Variants in KDM3B observed in about 807,000 individuals in gnomAD.
KDM3B encodes the protein lysine-specific demethylase 3B.
In KDM3B, 10 loss-of-function variants were observed where a neutral mutation model predicts 170.0. The observed-to-expected ratio is 0.06, with a 90% confidence interval of 0.04 to 0.10. KDM3B has a LOEUF of 0.10. Ranked by LOEUF, KDM3B falls within the 10% of genes least tolerant of loss-of-function variation. The pLI, the probability that KDM3B is intolerant of heterozygous loss-of-function variation, is 1.00. For synonymous variants in KDM3B, 831 were observed against 834.8 expected (o/e 1.00, Z 0.08); for missense variants, 1,394 against 2,195.2 (o/e 0.64, Z 7.29).
rs997145509 is a variant in KDM3B at position 138,358,645 on chromosome 5, A to G, written c.192+5658A>G. Among the ~76,000 whole-genome samples the G allele has an allele frequency of 3.3e-5, 5 of 151,234 alleles. No homozygotes were observed. The East Asian group carries it at 7.7e-4, about 23-fold the overall frequency. On this transcript the variant is annotated intron_variant, in intron 1 of 23. Transcript: ENST00000314358. ...TGGTTTTATCTGTCATCCAGGCTGG[A>G]GTACAGTGGTGCAGTCATAGCTCAC...
intron 1 of KDM3B, among the ~76,000 whole-genome samples, chr5:138,365,456 C>G (rs1761720766): frequency 6.6e-6 from 1 of 151,822 alleles, no homozygotes; most frequent in Non-Finnish European, 1.5e-5. Context: ...TGGGGTTTCA[C>G]CCTGTTGGCC....
chr5:138,383,368 A>C (rs1248137659), intron 6 of KDM3B, among the ~76,000 whole-genome samples: 1 of 151,866 alleles, frequency 6.6e-6, no homozygotes, highest in Non-Finnish European at 1.5e-5. Flanking sequence ...CAAACTCCTG[A>C]CCTCGTGATC....
Position 138,387,992 on chromosome 5 carries a change from G to A in KDM3B, c.1380+1371G>A, listed in dbSNP as rs944413157. ...GCTACTCGGGAGGCTGAGGCAGGAG[G>A]ATGGCGTGAACCTGGGAGGTGGAGC... On this transcript the variant is annotated intron_variant, in intron 7 of 23. Coordinates refer to ENST00000314358, the MANE Select transcript of KDM3B (RefSeq NM_016604.4). 6.4e-4 allele frequency among the ~76,000 whole-genome samples: 97 copies of A among 151,910 alleles called. 2 individuals are homozygous for A. The highest frequency in any genetic ancestry group is 1.3e-4 in the Admixed American group (2 of 15,254).
chr5:138,424,114 C>T lies in KDM3B; in HGVS notation c.4012C>T (p.His1338Tyr). Residue 1338 changes from histidine to tyrosine, a missense_variant, in exon 16 of 24, where the codon CAC becomes TAC. His to Tyr is a moderately conservative substitution (Grantham distance 83). This residue lies in a region of KDM3B where 137 missense variants were observed against 166.9 expected (regional missense o/e 0.82). Coordinates refer to ENST00000314358, the MANE Select transcript of KDM3B (RefSeq NM_016604.4). The part of the protein sequence containing the change: ...SKASLPNFLD[H>Y]IIASVVENKK... ...GGCCAGCCTACCCAACTTTCTTGAC[C>T]ACATCATTGCCTCAGTGGTAGAAAA... 6.3e-7 allele frequency: 1 copy of T among 1,598,440 alleles called. No homozygotes were observed. Among genetic ancestry groups the T allele is most frequent in the East Asian group, 2.2e-5 (1 of 44,640 alleles).
chr5:138,374,594 T>C (rs1176426567), intron 2 of KDM3B, among the ~76,000 whole-genome samples: 1 of 152,202 alleles, frequency 6.6e-6, no homozygotes, highest in South Asian at 2.1e-4. Context: ...AGTTGAACTT[T>C]TAGGAGAAGC....
chr5:138,352,861 C>T lies in KDM3B; in HGVS notation c.66C>T (p.Ala22=). ...RLLLLFADTA[A]SASASAPAAA... Reference sequence around the variant, plus strand: ...TGCTGCTGTTCGCGGACACTGCGGCCTCAGCCTCGGCCTCGGCTCCCGCGG... The same window carrying T: ...TGCTGCTGTTCGCGGACACTGCGGCTTCAGCCTCGGCCTCGGCTCCCGCGG... Residue 22 remains alanine (A), a synonymous_variant, in exon 1 of 24, where the codon GCC becomes GCT. Transcript: ENST00000314358. 3 of 1,378,090 alleles carry T rather than the reference C, an allele frequency of 2.2e-6. No individual in the cohort carries two copies. The highest frequency in any genetic ancestry group is 2.8e-6 in the Non-Finnish European group (3 of 1,062,698). 85.4% of individuals were successfully genotyped at this position (1,378,090 alleles called of 1,614,324 possible).
At chr5:138,396,176 A>G (rs1445928314) in intron 9 of KDM3B, among the ~76,000 whole-genome samples, 1 of 151,318 alleles carries the variant, frequency 6.6e-6, no homozygotes, top group Non-Finnish European at 1.5e-5. Flanking sequence ...GCTCACTGCA[A>G]TCTCCGCCTC....
Position 138,392,011 on chromosome 5 carries a change from T to C in KDM3B, c.2379T>C (p.Ala793=). The C allele has an allele frequency of 6.2e-7, 1 of 1,614,098 alleles. No individual in the cohort carries two copies. The highest frequency in any genetic ancestry group is 8.5e-7 in the Non-Finnish European group (1 of 1,179,894). Residue 793 remains alanine, a synonymous_variant, in exon 8 of 24, where the codon GCT becomes GCC. Transcript: ENST00000314358. The part of the protein sequence containing the change: ...FSQENKAPFE[A]VKRFSLDERS... ...AGGAGAACAAAGCTCCTTTTGAAGC[T>C]GTGAAAAGGTTCTCACTGGATGAAC...
intron 11 of KDM3B, among the ~76,000 whole-genome samples, chr5:138,414,783 C>T (rs941116165): frequency 2.4e-4 from 37 of 152,102 alleles, no homozygotes; most frequent in Non-Finnish European, 8.8e-5. Flanking sequence ...TGGCGAAACT[C>T]CATCTCTACA....
At chr5:138,407,343 C>G (rs1169016132) in intron 11 of KDM3B, among the ~76,000 whole-genome samples, 1 of 152,144 alleles carries the variant, frequency 6.6e-6, no homozygotes, top group Non-Finnish European at 1.5e-5. Context: ...AAAACACAAA[C>G]CATCAAAATT....
intron 14 of KDM3B, among the ~76,000 whole-genome samples, chr5:138,419,680 TATATATATAC>T (rs1486702788): frequency 8.2e-5 from 11 of 134,594 alleles, no homozygotes; most frequent in Non-Finnish European, 9.4e-5. Context: ...TATATATATA[TATATATATAC>T]ATATATATAT....
intron 22 of KDM3B, 21 bp from the exon 23 acceptor site, chr5:138,431,403 CT>C: frequency 6.4e-7 from 1 of 1,569,760 alleles, no homozygotes; most frequent in Non-Finnish European, 8.7e-7. Context: ...GATATTTCTC[CT>C]CTGCACTTTG....
At position 138,424,187 on chromosome 5, in the gene KDM3B, C is replaced by A. The variant is rs200037675; in HGVS notation, c.4085C>A (p.Thr1362Asn). 9 of 1,614,050 alleles carry A rather than the reference C, an allele frequency of 5.6e-6. No homozygotes were observed. In the East Asian group the frequency reaches 1.8e-4, roughly 32 times the overall value. ...AAGCGGGCCTGCAACTTGACTGATA[C>A]CCAGAAGGAAGTGAAGGAGATGGTG... ...ASKRACNLTD[T>N]QKEVKEMVMG... The change falls in exon 16 of 24, where the codon ACC becomes AAC. Residue 1362 changes from threonine to asparagine, a missense_variant. Transcript: ENST00000314358.
intron 12 of KDM3B, among the ~76,000 whole-genome samples, chr5:138,417,046 C>G (rs1158500191): frequency 8.5e-5 from 13 of 152,196 alleles, no homozygotes; most frequent in African/African-American, 2.4e-4. Flanking sequence ...GCCTCAAACT[C>G]CTGACCTCAA....
Position 138,393,162 on chromosome 5 carries a change from T to C in KDM3B, c.2630-9T>C, listed in dbSNP as rs1374667127. The C allele has an allele frequency of 6.2e-7, 1 of 1,613,554 alleles. No homozygotes were observed. Among genetic ancestry groups the C allele is most frequent in the African/African-American group, 1.3e-5 (1 of 75,028 alleles). ...ATGACAAACTTTTCTTCTCTCCCCC[T>C]TGCCACAGTTGGCCAGTCAGTGCTG... is the stretch of plus-strand genomic sequence containing the variant. On this transcript the variant is annotated splice_polypyrimidine_tract_variant and intron_variant, in intron 8 of 23. Coordinates refer to ENST00000314358, the MANE Select transcript of KDM3B (RefSeq NM_016604.4).
intron 2 of KDM3B, among the ~76,000 whole-genome samples, chr5:138,374,096 C>A (rs552007236): frequency 6.6e-6 from 1 of 152,168 alleles, no homozygotes; most frequent in African/African-American, 2.4e-5. Context: ...CAGGTTCAAG[C>A]GATTCTCTTG....
rs1762126200 is a variant in KDM3B, at chr5:138,381,567, G to C, written c.757G>C (p.Asp253His). 2 of 1,605,240 alleles carry C rather than the reference G, an allele frequency of 1.2e-6. No individual in the cohort carries two copies. The highest frequency in any genetic ancestry group is 1.7e-6 in the Non-Finnish European group (2 of 1,171,780). Residue 253 changes from aspartate to histidine, a missense_variant, in exon 6 of 24, where the codon GAT becomes CAT. This residue lies in a region of KDM3B where 166 missense variants were observed against 216.4 expected (regional missense o/e 0.77). Coordinates refer to ENST00000314358, the MANE Select transcript of KDM3B (RefSeq NM_016604.4). ...CAGACTAATCCATGTGATGCTGATG[G>C]ATAATTCAGCGCCTCAAAGCGAGGT... The part of the protein sequence containing the change: ...DPRLIHVMLM[D>H]NSAPQSEGGT...
intron 13 of KDM3B, 137 bp from the exon 14 acceptor site, chr5:138,418,816 A>G (rs1763175762): frequency 1.2e-6 from 1 of 844,708 alleles, no homozygotes; most frequent in African/African-American, 1.7e-5. Context: ...TATATGTTGA[A>G]TTAAATAATG....
chr5:138,423,735 C>A (rs1763329823), intron 15 of KDM3B, among the ~76,000 whole-genome samples: 1 of 152,162 alleles, frequency 6.6e-6, no homozygotes, highest in African/African-American at 2.4e-5. Context: ...TTTTTACACT[C>A]AGTTACAGCA....
Sources: gnomAD v4.1 joint callset for allele counts (sites outside exome capture counted in the v4.1 genomes callset) on GRCh38, gnomAD v4.1.1 for gene constraint, gnomAD v4.1.1 regional missense constraint, MANE v1.5 for transcripts, NCBI Gene and HGNC (gene_info 2026-07-23, HGNC 2026-07-21) for gene names.